Variants in SYN2 observed in about 807,000 individuals in gnomAD.
SYN2 encodes the protein synapsin II, also known as synapsin-2.
SYN2 carries 19 observed loss-of-function variants against 50.9 expected under a neutral mutation model. The observed-to-expected ratio is 0.37, with a 90% CI of 0.26 to 0.55. The LOEUF is 0.55. Among genes scored for constraint, SYN2 ranks in the 20% least tolerant of loss-of-function variants. The probability of loss-of-function intolerance (pLI) is 0.81; values close to 1 mark genes in which losing one functional copy is unlikely to be tolerated. For missense variants in SYN2, 587 were observed against 576.4 expected, an observed-to-expected ratio of 1.02 and a Z score of -0.19; for synonymous variants, 255 against 224.9, an observed-to-expected ratio of 1.13 and a Z score of -1.20.
At chr3:12,084,109 G>A (rs1315220437) in intron 1 of SYN2, among the ~76,000 whole-genome samples, 1 of 152,090 alleles carries the variant, frequency 6.6e-6, no homozygotes, top group Non-Finnish European at 1.5e-5. Context: ...TCTGCCCCTT[G>A]AGTTAAGCCA....
chr3:12,156,191 T>C (rs879010706), intron 5 of SYN2, among the ~76,000 whole-genome samples: 1 of 152,236 alleles, frequency 6.6e-6, no homozygotes, highest in Admixed American at 6.5e-5. Flanking sequence ...CTTGCTTTCT[T>C]TCTAAATATT....
intron 1 of SYN2, among the ~76,000 whole-genome samples, chr3:12,079,313 C>T (rs182910731): frequency 2.0e-5 from 3 of 152,212 alleles, no homozygotes; most frequent in African/African-American, 7.2e-5. Flanking sequence ...TGCCTGATTG[C>T]CCTGGCCAGA....
At chr3:12,024,400 C>T (rs912709661) in intron 1 of SYN2, among the ~76,000 whole-genome samples, 5 of 151,904 alleles carry the variant, frequency 3.3e-5, no homozygotes, top group African/African-American at 1.2e-4. Context: ...CCTCGTGATC[C>T]GCCCATCTCG....
intron 3 of SYN2, among the ~76,000 whole-genome samples, chr3:12,145,276 C>CCT (rs1404349378): frequency 6.6e-6 from 1 of 152,118 alleles, no homozygotes; most frequent in African/African-American, 2.4e-5. Context: ...ATGGCACTTG[C>CCT]CTATAGTCCT....
intron 3 of SYN2, among the ~76,000 whole-genome samples, chr3:12,142,247 T>C (rs1415580762): frequency 1.3e-5 from 2 of 152,212 alleles, no homozygotes; most frequent in Non-Finnish European, 2.9e-5. Context: ...TAGACATAAC[T>C]GGATTCCTTA....
intron 5 of SYN2, chr3:12,157,492 A>G: frequency 6.2e-7 from 1 of 1,613,836 alleles, no homozygotes; most frequent in Non-Finnish European, 8.5e-7. Context: ...ACTGCATAGG[A>G]AGAGAAAAGA....
In SYN2 at chr3:12,145,667, C is replaced by T; in HGVS notation, c.528-12C>T. ...CTGGTTAATGGCAAACCTGCCTCTA[C>T]CTTCTCACCAGGTCCTTCCGGCCAG... On this transcript the variant is annotated splice_polypyrimidine_tract_variant and intron_variant, in intron 3 of 12. Coordinates refer to ENST00000621198, the MANE Select transcript of SYN2 (RefSeq NM_133625.6). 2 of 1,612,974 alleles carry T rather than the reference C, an allele frequency of 1.2e-6. No homozygotes were observed. Among genetic ancestry groups the T allele is most frequent in the South Asian group, 1.1e-5 (1 of 91,046 alleles).
chr3:12,070,804 A>C (rs1392960608), intron 1 of SYN2: 7 of 619,612 alleles, frequency 1.1e-5, no homozygotes, highest in African/African-American at 3.7e-5. Flanking sequence ...TGACTACCTC[A>C]TGAAGATCCT....
chr3:12,057,282 A>ATGT (rs199885518), intron 1 of SYN2, among the ~76,000 whole-genome samples: 1 of 48,114 alleles, frequency 2.1e-5, no homozygotes, highest in Non-Finnish European at 3.6e-5. Context: ...ACAAGGCAAG[A>ATGT]CTGTCTGTGT....
chr3:12,187,647 C>T (rs1169073024), intron 12 of SYN2, 35 bp downstream of exon 12: 2 of 1,508,734 alleles, frequency 1.3e-6, no homozygotes, highest in East Asian at 2.5e-5. Flanking sequence ...CCCTCCCCTC[C>T]TCCTACCCTT....
intron 1 of SYN2, among the ~76,000 whole-genome samples, chr3:12,034,017 A>C (rs565941938): frequency 6.6e-6 from 1 of 152,228 alleles, no homozygotes; most frequent in East Asian, 1.9e-4. Flanking sequence ...TTGTGTGAAC[A>C]TACGCTTTCA....
chr3:12,071,317 G>T (rs1695349460), intron 1 of SYN2: 2 of 568,672 alleles, frequency 3.5e-6, no homozygotes, highest in Non-Finnish European at 7.0e-6. Flanking sequence ...TAACAAGCAG[G>T]AGTACAACAA....
chr3:12,051,479 G>C (rs897957451), intron 1 of SYN2, among the ~76,000 whole-genome samples: 3 of 148,684 alleles, frequency 2.0e-5, no homozygotes, highest in Non-Finnish European at 4.5e-5. Context: ...GTAGTGGTCT[G>C]TTTCTCAAAT....
chr3:12,013,373 TC>T (rs1202520198), intron 1 of SYN2, among the ~76,000 whole-genome samples: 1 of 152,202 alleles, frequency 6.6e-6, no homozygotes, highest in Non-Finnish European at 1.5e-5. Flanking sequence ...GGCCCCCTTT[TC>T]CTGCCCACTT....
At chr3:12,024,264 C>A (rs1034830206) in intron 1 of SYN2, among the ~76,000 whole-genome samples, 3 of 145,712 alleles carry the variant, frequency 2.1e-5, no homozygotes, top group African/African-American at 7.6e-5. Context: ...TCAAGCGATT[C>A]TCCTGCCTCA....
intron 1 of SYN2, among the ~76,000 whole-genome samples, chr3:12,033,997 G>A (rs1694439254): frequency 1.3e-5 from 2 of 152,144 alleles, no homozygotes; most frequent in Admixed American, 6.5e-5. Context: ...GAATATTTAT[G>A]TACAAGTTGT....
chr3:12,176,770 G>A (rs1698080302), intron 10 of SYN2, among the ~76,000 whole-genome samples: 1 of 152,256 alleles, frequency 6.6e-6, no homozygotes, highest in South Asian at 2.1e-4. Context: ...ATCTCAATGA[G>A]TGCATTAATT....
At chr3:12,126,271 G>A (rs1696669342) in intron 1 of SYN2, among the ~76,000 whole-genome samples, 1 of 152,218 alleles carries the variant, frequency 6.6e-6, no homozygotes, top group African/African-American at 2.4e-5. Context: ...AAACCAAGAA[G>A]CAAGGAACTG....
intron 10 of SYN2, among the ~76,000 whole-genome samples, chr3:12,170,213 G>T (rs111340993): frequency 3.8e-4 from 58 of 152,310 alleles, no homozygotes; most frequent in African/African-American, 1.4e-3. Flanking sequence ...TGGGACTCAG[G>T]ATGCTCCCAT....
Sources: allele counts gnomAD v4.1 joint callset (sites outside exome capture counted in the v4.1 genomes callset), GRCh38; gene constraint gnomAD v4.1.1; transcripts MANE v1.5; gene names NCBI Gene and HGNC (gene_info 2026-07-23, HGNC 2026-07-21).